Variants in XKR6 observed in about 807,000 individuals in gnomAD.
The protein encoded by XKR6 is XK-related protein 6.
Under a neutral mutation model 56.7 loss-of-function variants are expected in XKR6, and 22 were observed. The ratio of observed to expected loss-of-function variants is 0.39; its 90% CI spans 0.28 to 0.55. XKR6 has a LOEUF of 0.55. Among genes scored for constraint, XKR6 ranks in the 20% least tolerant of loss-of-function variants. The probability of loss-of-function intolerance (pLI) is 0.66; values close to 1 mark genes in which losing one functional copy is unlikely to be tolerated. For synonymous variants in XKR6, 524 were observed against 387.8 expected, an observed-to-expected ratio of 1.35 and a Z score of -4.13; for missense variants, 852 against 889.0, an observed-to-expected ratio of 0.96 and a Z score of 0.53.
chr8:11,103,062 C>T (rs4840544), intron 1 of XKR6, among the ~76,000 whole-genome samples: 84,457 of 152,056 alleles, frequency 0.56, 26,023 homozygotes, highest in African/African-American at 0.81. Flanking sequence ...ATATATTATA[C>T]ATAACACTAG....
rs192605672 is a variant in XKR6 at position 11,141,728 on chromosome 8, T to G, written c.764+58848A>C. 2.0e-3 allele frequency among the ~76,000 whole-genome samples: 307 copies of G among 152,192 alleles called. 3 individuals carry two copies. Among genetic ancestry groups the G allele is most frequent in the African/African-American group, 7.1e-3 (296 of 41,520 alleles). ...GGAACAGCAGCTCCTGATGGGAGCC[T>G]ATCTGTCTCCATAGCCCTTGACTGG... On this transcript the variant is annotated intron_variant, in intron 1 of 2. Transcript: ENST00000416569.
chr8:10,924,406 G>T (rs1305125602), intron 2 of XKR6, among the ~76,000 whole-genome samples: 8 of 152,272 alleles, frequency 5.3e-5, no homozygotes, highest in Non-Finnish European at 1.2e-4. Context: ...TGGACGAAGT[G>T]GCCTGGAGGT....
intron 1 of XKR6, among the ~76,000 whole-genome samples, chr8:11,042,163 A>T (rs1468987097): frequency 6.6e-6 from 1 of 151,992 alleles, no homozygotes; most frequent in African/African-American, 2.4e-5. Context: ...TCACAGCAGG[A>T]CTGTGGCAGT....
intron 1 of XKR6, among the ~76,000 whole-genome samples, chr8:11,165,434 C>T (rs1409426169): frequency 6.6e-6 from 1 of 152,022 alleles, no homozygotes; most frequent in Admixed American, 6.6e-5. Flanking sequence ...TGCAGGTGTA[C>T]TTCTTTAGTT....
chr8:10,984,420 A>G (rs1050002547), intron 1 of XKR6, among the ~76,000 whole-genome samples: 11 of 152,208 alleles, frequency 7.2e-5, no homozygotes, highest in Non-Finnish European at 1.2e-4. Flanking sequence ...GATTTTTAGC[A>G]TTGGCCTGAG....
At chr8:11,074,380 C>T (rs918432066) in intron 1 of XKR6, among the ~76,000 whole-genome samples, 1 of 152,216 alleles carries the variant, frequency 6.6e-6, no homozygotes, top group African/African-American at 2.4e-5. Flanking sequence ...ACTGACGATG[C>T]ACCAGCAAGA....
At chr8:10,994,025 T>C (rs185116305) in intron 1 of XKR6, among the ~76,000 whole-genome samples, 1 of 152,324 alleles carries the variant, frequency 6.6e-6, no homozygotes, top group African/African-American at 2.4e-5. Context: ...TTACCTTCAG[T>C]AGCTGGGATC....
chr8:11,120,680 A>C (rs1799409229), intron 1 of XKR6, among the ~76,000 whole-genome samples: 1 of 152,158 alleles, frequency 6.6e-6, no homozygotes, highest in African/African-American at 2.4e-5. Context: ...GAATTGGAAA[A>C]AACTACTTTA....
intron 1 of XKR6, among the ~76,000 whole-genome samples, chr8:11,120,532 A>G (rs957249497): frequency 6.6e-5 from 10 of 152,164 alleles, no homozygotes; most frequent in African/African-American, 2.4e-4. Context: ...CAACGAAATA[A>G]AAGAGGATAC....
intron 1 of XKR6, among the ~76,000 whole-genome samples, chr8:10,956,554 C>A (rs1351650891): frequency 6.6e-6 from 1 of 152,210 alleles, no homozygotes; most frequent in Non-Finnish European, 1.5e-5. Flanking sequence ...CAGCGCTAAG[C>A]ATGGCACTCA....
chr8:11,002,583 C>G (rs1798267737), intron 1 of XKR6: 1 of 184,846 alleles, frequency 5.4e-6, no homozygotes, highest in African/African-American at 2.4e-5. Flanking sequence ...CATCTGGTCA[C>G]CCTCCCAGCC....
At chr8:11,083,963 T>C (rs1031966035) in intron 1 of XKR6, among the ~76,000 whole-genome samples, 3 of 152,222 alleles carry the variant, frequency 2.0e-5, no homozygotes, top group African/African-American at 7.2e-5. Context: ...ATTATTTTTA[T>C]AATAAGTAAC....
chr8:11,166,447 A>G (rs533708753), intron 1 of XKR6, among the ~76,000 whole-genome samples: 1 of 152,332 alleles, frequency 6.6e-6, no homozygotes, highest in Admixed American at 6.5e-5. Flanking sequence ...GCCGTTGCTT[A>G]TAGACAACCT....
intron 1 of XKR6, among the ~76,000 whole-genome samples, chr8:10,933,523 G>A (rs1424722373): frequency 7.9e-6 from 1 of 126,444 alleles, no homozygotes; most frequent in Non-Finnish European, 1.7e-5. Flanking sequence ...GGGTTTTTAT[G>A]GTTTTAGGTC....
At chr8:10,960,849 A>T (rs899223766) in intron 1 of XKR6, among the ~76,000 whole-genome samples, 8 of 152,222 alleles carry the variant, frequency 5.3e-5, no homozygotes, top group Non-Finnish European at 8.8e-5. Flanking sequence ...GGAGCTTGGG[A>T]GATCGCTTGC....
intron 1 of XKR6, among the ~76,000 whole-genome samples, chr8:11,122,262 C>T (rs927720773): frequency 6.6e-5 from 10 of 152,214 alleles, no homozygotes; most frequent in Admixed American, 2.0e-4. Context: ...CCTGGTAAAA[C>T]GTCACTGAAG....
At chr8:11,137,705 A>T in intron 1 of XKR6, 1 of 456,034 alleles carries the variant, frequency 2.2e-6, no homozygotes, top group South Asian at 1.5e-5. Flanking sequence ...TGAAGAAGCT[A>T]CTCCCCTGAA....
At chr8:10,970,469 G>A (rs1161087800) in intron 1 of XKR6, among the ~76,000 whole-genome samples, 1 of 152,052 alleles carries the variant, frequency 6.6e-6, no homozygotes, top group Non-Finnish European at 1.5e-5. Context: ...AAGACACAAG[G>A]TCTCAATAAC....
At chr8:11,168,717 G>C (rs1429614587) in intron 1 of XKR6, among the ~76,000 whole-genome samples, 1 of 152,206 alleles carries the variant, frequency 6.6e-6, no homozygotes, top group East Asian at 1.9e-4. Flanking sequence ...GGTAGTTAGG[G>C]TAGGTCCTTG....
Sources: allele counts gnomAD v4.1 joint callset (sites outside exome capture counted in the v4.1 genomes callset), GRCh38; gene constraint gnomAD v4.1.1; transcripts MANE v1.5; gene names NCBI Gene and HGNC (gene_info 2026-07-23, HGNC 2026-07-21).